Variants in STT3B observed in about 807,000 individuals in gnomAD.
The protein encoded by STT3B is STT3 oligosaccharyltransferase complex catalytic subunit B.
In STT3B, 29 loss-of-function variants were observed where a neutral mutation model predicts 96.8. The ratio of observed to expected loss-of-function variants is 0.30; its 90% confidence interval spans 0.22 to 0.41. The LOEUF is 0.41. Among genes scored for constraint, STT3B ranks in the 10% least tolerant of loss-of-function variants. The probability of loss-of-function intolerance (pLI) is 1.00; values close to 1 mark genes in which losing one functional copy is unlikely to be tolerated. For missense variants in STT3B, 640 were observed against 1,022.3 expected, an observed-to-expected ratio of 0.63 and a Z score of 5.10; for synonymous variants, 367 against 360.0, an observed-to-expected ratio of 1.02 and a Z score of -0.22.
chr3:31,560,725 G>A (rs1389549575), intron 1 of STT3B, among the ~76,000 whole-genome samples: 1 of 152,010 alleles, frequency 6.6e-6, no homozygotes, highest in Non-Finnish European at 1.5e-5. Flanking sequence ...GTAATGTATT[G>A]TGGATAGAAC....
intron 8 of STT3B, among the ~76,000 whole-genome samples, chr3:31,618,484 T>TGA (rs1475615819): frequency 6.6e-6 from 1 of 151,852 alleles, no homozygotes; most frequent in Non-Finnish European, 1.5e-5. Context: ...TGTTATAAAA[T>TGA]GAGTTAATAC....
At chr3:31,603,573 G>A (rs1432195679) in intron 5 of STT3B, among the ~76,000 whole-genome samples, 8 of 152,024 alleles carry the variant, frequency 5.3e-5, no homozygotes, top group Non-Finnish European at 8.8e-5. Context: ...TGCATTTGTA[G>A]AAAGAATGGC....
intron 3 of STT3B, among the ~76,000 whole-genome samples, chr3:31,592,978 C>T (rs2125459441): frequency 6.6e-6 from 1 of 152,258 alleles, no homozygotes; most frequent in East Asian, 1.9e-4. Flanking sequence ...TCTTCTATGA[C>T]AAAAAGCAGC....
chr3:31,601,845 A>G (rs1409540628), intron 5 of STT3B, among the ~76,000 whole-genome samples: 2 of 152,220 alleles, frequency 1.3e-5, no homozygotes, highest in African/African-American at 4.8e-5. Flanking sequence ...TTCATTTGAT[A>G]CTGTGAGGGT....
At chr3:31,627,618 T>G (rs944455280) in intron 13 of STT3B, among the ~76,000 whole-genome samples, 1 of 152,214 alleles carries the variant, frequency 6.6e-6, no homozygotes, top group Non-Finnish European at 1.5e-5. Flanking sequence ...GCAGGTGTCG[T>G]GTGATGCAGA....
intron 1 of STT3B, among the ~76,000 whole-genome samples, chr3:31,560,361 T>C (rs553642197): frequency 6.6e-6 from 1 of 152,124 alleles, no homozygotes; most frequent in African/African-American, 2.4e-5. Context: ...GGTTTTTATA[T>C]TTTTGTGTGT....
intron 1 of STT3B, among the ~76,000 whole-genome samples, chr3:31,546,569 G>A (rs1253680703): frequency 6.6e-6 from 1 of 152,190 alleles, no homozygotes; most frequent in Non-Finnish European, 1.5e-5. Flanking sequence ...AATACACACA[G>A]ACCTAGCTCA....
In STT3B at chr3:31,636,952, A is replaced by G. The variant is rs1699763504; in HGVS notation, c.*888A>G. 6.6e-6 allele frequency: 1 copy of G among 152,196 alleles called. No individual in the cohort carries two copies. Among genetic ancestry groups the G allele is most frequent in the South Asian group, 2.1e-4 (1 of 4,828 alleles). The allele number at this position is 152,196 out of a possible 1,614,324, so 9.4% of individuals were successfully genotyped here. On this transcript the variant is annotated 3_prime_UTR_variant, in exon 16 of 16. Coordinates refer to ENST00000295770, the MANE Select transcript of STT3B (RefSeq NM_178862.3). ...AAAGTTCATTTTCTGTGACTCATCA[A>G]AGTGACAAAAGACTTGTAACAACTT...
intron 1 of STT3B, chr3:31,533,606 C>T (rs1575399636): frequency 8.9e-6 from 2 of 225,970 alleles, no homozygotes; most frequent in Admixed American, 5.9e-5. Flanking sequence ...AGTGTGGGTG[C>T]AGCCGCCGGG....
At chr3:31,571,177 A>G (rs1698127277) in intron 1 of STT3B, among the ~76,000 whole-genome samples, 1 of 152,124 alleles carries the variant, frequency 6.6e-6, no homozygotes, top group South Asian at 2.1e-4. Flanking sequence ...TCCTGTGTAG[A>G]CTGCACTGTC....
chr3:31,575,493 G>A (rs1220773280), intron 1 of STT3B, among the ~76,000 whole-genome samples: 1 of 151,810 alleles, frequency 6.6e-6, no homozygotes, highest in African/African-American at 2.4e-5. Context: ...GCTTATTTTA[G>A]TATTGGAAAA....
At chr3:31,547,788 T>A (rs187355796) in intron 1 of STT3B, among the ~76,000 whole-genome samples, 9 of 152,342 alleles carry the variant, frequency 5.9e-5, no homozygotes, top group Admixed American at 4.6e-4. Flanking sequence ...TGTAGACACT[T>A]CTTCCCAACC....
At chr3:31,537,196 A>C (rs770760115) in intron 1 of STT3B, among the ~76,000 whole-genome samples, 1 of 152,234 alleles carries the variant, frequency 6.6e-6, no homozygotes, top group Non-Finnish European at 1.5e-5. Context: ...ATTAGTACAG[A>C]TGTGTTTTCA....
chr3:31,617,370 T>C (rs1418422672), intron 7 of STT3B, among the ~76,000 whole-genome samples: 4 of 151,832 alleles, frequency 2.6e-5, no homozygotes, highest in Non-Finnish European at 5.9e-5. Context: ...ACACTCCCTC[T>C]TTCTCCCCTA....
chr3:31,592,796 G>A (rs1698695485), intron 3 of STT3B, among the ~76,000 whole-genome samples: 1 of 152,148 alleles, frequency 6.6e-6, no homozygotes, highest in Non-Finnish European at 1.5e-5. Context: ...TGTATATGTG[G>A]TTGATTTTGA....
At chr3:31,581,148 T>C (rs985572255) in intron 3 of STT3B, among the ~76,000 whole-genome samples, 5 of 152,090 alleles carry the variant, frequency 3.3e-5, no homozygotes, top group African/African-American at 1.2e-4. Context: ...ATACTATGTC[T>C]GTTAATAGCA....
At chr3:31,614,672 G>T (rs1699264398) in intron 5 of STT3B, among the ~76,000 whole-genome samples, 1 of 151,872 alleles carries the variant, frequency 6.6e-6, no homozygotes, top group African/African-American at 2.4e-5. Flanking sequence ...GAGCTTTTGA[G>T]ACAGTAGCAG....
intron 14 of STT3B, among the ~76,000 whole-genome samples, chr3:31,630,913 C>A (rs1328796991): frequency 6.6e-6 from 1 of 152,000 alleles, no homozygotes; most frequent in South Asian, 2.1e-4. Flanking sequence ...TCTCCTGCCT[C>A]AGCCTCCCGA....
intron 4 of STT3B, among the ~76,000 whole-genome samples, chr3:31,600,030 A>G (rs908141196): frequency 1.3e-5 from 2 of 152,146 alleles, no homozygotes; most frequent in Non-Finnish European, 2.9e-5. Context: ...TTTATGATCT[A>G]TATCCTAAAA....
Sources: gnomAD v4.1 joint callset for allele counts (sites outside exome capture counted in the v4.1 genomes callset) on GRCh38, gnomAD v4.1.1 for gene constraint, MANE v1.5 for transcripts, NCBI Gene and HGNC (gene_info 2026-07-23, HGNC 2026-07-21) for gene names.